The following CSMD1 variants were observed in gnomAD, a reference collection of about 807,000 sequenced individuals.
The protein encoded by CSMD1 is CUB and sushi domain-containing protein 1.
A neutral mutation model predicts 417.5 loss-of-function variants in CSMD1; 213 were observed. The observed-to-expected ratio is 0.51, with a 90% CI of 0.46 to 0.57. The LOEUF (loss-of-function observed/expected upper bound fraction) is 0.57, where lower values mean the gene tolerates loss of function less well. CSMD1 is among the 20% of genes least tolerant of loss of function. The probability of loss-of-function intolerance (pLI) is 0.00; values close to 1 mark genes in which losing one functional copy is unlikely to be tolerated. For missense variants in CSMD1, 6,923 were observed against 4,529.7 expected, an observed-to-expected ratio of 1.53 and a Z score of -15.17; for synonymous variants, 2,862 against 1,736.8, an observed-to-expected ratio of 1.65 and a Z score of -16.11.
intron 3 of CSMD1, among the ~76,000 whole-genome samples, chr8:4,299,962 G>C (rs796584737): frequency 3.3e-5 from 5 of 152,218 alleles, no homozygotes; most frequent in African/African-American, 9.6e-5. Context: ...AATACTATTT[G>C]TTGATAATAG....
intron 3 of CSMD1, among the ~76,000 whole-genome samples, chr8:4,419,497 C>A (rs1450025683): frequency 1.3e-5 from 2 of 152,092 alleles, no homozygotes; most frequent in Non-Finnish European, 2.9e-5. Context: ...GATCAAACAA[C>A]AGTAAAAGCA....
At chr8:3,345,664 T>C (rs751464591) in intron 22 of CSMD1, among the ~76,000 whole-genome samples, 23 of 152,192 alleles carry the variant, frequency 1.5e-4, no homozygotes, top group Admixed American at 4.6e-4. Context: ...GGGATTCATA[T>C]GTTTAATACA....
chr8:3,694,852 C>T (rs373738837), intron 7 of CSMD1, among the ~76,000 whole-genome samples: 8 of 152,044 alleles, frequency 5.3e-5, no homozygotes, highest in Non-Finnish European at 1.0e-4. Flanking sequence ...TGAAGCAATA[C>T]CGGATCCTAA....
chr8:4,097,167 T>G (rs766850587), intron 3 of CSMD1, among the ~76,000 whole-genome samples: 22 of 152,124 alleles, frequency 1.4e-4, no homozygotes, highest in Non-Finnish European at 2.8e-4. Context: ...ATGCTTACCA[T>G]TATATATGCT....
intron 8 of CSMD1, among the ~76,000 whole-genome samples, chr8:3,599,878 G>A (rs553349464): frequency 2.6e-5 from 4 of 152,310 alleles, no homozygotes; most frequent in African/African-American, 7.2e-5. Context: ...GTAATGGAGT[G>A]AGATGGTTGA....
At chr8:4,799,673 T>C (rs1318485892) in intron 1 of CSMD1, among the ~76,000 whole-genome samples, 1 of 150,460 alleles carries the variant, frequency 6.6e-6, no homozygotes, top group Non-Finnish European at 1.5e-5. Context: ...ATTGGGACTT[T>C]ATTTTCACTG....
chr8:4,001,510 CCT>C (rs2130366014), intron 4 of CSMD1, among the ~76,000 whole-genome samples: 1 of 152,238 alleles, frequency 6.6e-6, no homozygotes, highest in South Asian at 2.1e-4. Context: ...GGTGCCCACC[CCT>C]GAGTACCAAC....
rs116712999 is a variant in CSMD1, at chr8:4,559,407, C to T, written c.302+77935G>A. ...TTCATATACTATTTCACCAAATACA[C>T]TGAACCATGGCATTTGGAGGCTTTA... On this transcript the variant is annotated intron_variant, in intron 2 of 69. Coordinates refer to ENST00000635120, the MANE Select transcript of CSMD1 (RefSeq NM_033225.6). Among the ~76,000 whole-genome samples, 309 of 152,210 alleles carry T rather than the reference C, an allele frequency of 2.0e-3. 1 individual carries two copies. The highest frequency in any genetic ancestry group is 7.1e-3 in the African/African-American group (294 of 41,538).
intron 3 of CSMD1, among the ~76,000 whole-genome samples, chr8:4,306,430 G>T (rs1165680241): frequency 6.6e-6 from 1 of 152,086 alleles, no homozygotes; most frequent in African/African-American, 2.4e-5. Context: ...CATCGTGAAA[G>T]TTCAATTGAT....
Position 3,935,057 on chromosome 8 carries a change from C to A in CSMD1, c.818+62846G>T, listed in dbSNP as rs192644157. ...CTAGTCTCGTTTCTTTTGCATTGCACTGGCTTCATAACTACAATATGCTTA... is the reference window on the plus strand; with the variant it reads ...CTAGTCTCGTTTCTTTTGCATTGCAATGGCTTCATAACTACAATATGCTTA... On this transcript the variant is annotated intron_variant, in intron 5 of 69. Coordinates refer to ENST00000635120, the MANE Select transcript of CSMD1 (RefSeq NM_033225.6). Among the ~76,000 whole-genome samples, 64 of 152,234 alleles carry A rather than the reference C, an allele frequency of 4.2e-4. No homozygotes were observed. In the East Asian group the frequency reaches 6.0e-3, roughly 14 times the overall value.
intron 1 of CSMD1, among the ~76,000 whole-genome samples, chr8:4,783,154 C>T (rs1321221794): frequency 6.6e-6 from 1 of 152,194 alleles, no homozygotes; most frequent in African/African-American, 2.4e-5. Context: ...TTCATCTCTC[C>T]AACCCACCTG....
At chr8:3,686,475 T>C (rs1428943579) in intron 7 of CSMD1, among the ~76,000 whole-genome samples, 1 of 152,104 alleles carries the variant, frequency 6.6e-6, no homozygotes, top group African/African-American at 2.4e-5. Context: ...CTCTGGCATG[T>C]TTAAATTAAA....
chr8:4,098,050 A>G (rs1355478919), intron 3 of CSMD1, among the ~76,000 whole-genome samples: 1 of 152,202 alleles, frequency 6.6e-6, no homozygotes, highest in East Asian at 1.9e-4. Context: ...TCAGGCACAG[A>G]GAATGCTCAC....
intron 17 of CSMD1, among the ~76,000 whole-genome samples, chr8:3,393,701 A>G (rs1343164773): frequency 1.3e-5 from 2 of 151,948 alleles, no homozygotes; most frequent in African/African-American, 4.8e-5. Flanking sequence ...GACATGGATG[A>G]AGCTGGAAAC....
rs558861684 is a variant in CSMD1 at position 4,040,738 on chromosome 8, C to A, written c.416-8639G>T. Among the ~76,000 whole-genome samples the A allele has an allele frequency of 4.5e-4, 68 of 151,996 alleles. 1 individual carries two copies. The highest frequency in any genetic ancestry group is 1.6e-3 in the African/African-American group (65 of 41,426). Reference sequence around the variant, plus strand: ...ACTGCAGGAGAGACTGCAGCAAAGTCAAAAACAAGGTAAGCGACCAGTTGG... The same window carrying A: ...ACTGCAGGAGAGACTGCAGCAAAGTAAAAAACAAGGTAAGCGACCAGTTGG... On this transcript the variant is annotated intron_variant, in intron 3 of 69. Coordinates refer to ENST00000635120, the MANE Select transcript of CSMD1 (RefSeq NM_033225.6).
chr8:3,331,754 G>C (rs889111279), intron 23 of CSMD1, among the ~76,000 whole-genome samples: 8 of 152,184 alleles, frequency 5.3e-5, no homozygotes, highest in African/African-American at 1.9e-4. Flanking sequence ...CTGACCTTCA[G>C]GGCTTCATGC....
chr8:4,042,378 T>G (rs1191298344), intron 3 of CSMD1, among the ~76,000 whole-genome samples: 1 of 151,974 alleles, frequency 6.6e-6, no homozygotes, highest in Admixed American at 6.6e-5. Context: ...AAGGAGAGAT[T>G]CAGCAACTTA....
chr8:4,371,331 C>G (rs998909374), intron 3 of CSMD1, among the ~76,000 whole-genome samples: 12 of 151,928 alleles, frequency 7.9e-5, no homozygotes, highest in Admixed American at 7.9e-4. Context: ...TGGCAACAGG[C>G]AAGTTAAAGT....
At chr8:4,210,559 G>C (rs1006854667) in intron 3 of CSMD1, among the ~76,000 whole-genome samples, 3 of 151,922 alleles carry the variant, frequency 2.0e-5, no homozygotes, top group Non-Finnish European at 2.9e-5. Flanking sequence ...AGCACAAATA[G>C]GAAACACAAT....
Sources: allele counts gnomAD v4.1 joint callset (sites outside exome capture counted in the v4.1 genomes callset), GRCh38; gene constraint gnomAD v4.1.1; transcripts MANE v1.5; gene names NCBI Gene and HGNC (gene_info 2026-07-23, HGNC 2026-07-21).